Variants in NEDD9 observed in about 807,000 individuals in gnomAD.
NEDD9 encodes the protein enhancer of filamentation 1.
NEDD9 carries 26 observed loss-of-function variants against 76.6 expected under a neutral mutation model. The ratio of observed to expected loss-of-function variants is 0.34; its 90% CI spans 0.25 to 0.47. The LOEUF (loss-of-function observed/expected upper bound fraction) is 0.47. Ranked by LOEUF, NEDD9 falls within the 20% of genes least tolerant of loss-of-function variation. The probability of loss-of-function intolerance (pLI) is 1.00; values close to 1 mark genes in which losing one functional copy is unlikely to be tolerated. For missense variants in NEDD9, 937 were observed against 1,058.5 expected (o/e 0.89, Z 1.59); for synonymous variants, 392 against 414.2 (o/e 0.95, Z 0.65).
chr6:11,333,670 A>G (rs1252664011), intron 2 of NEDD9, among the ~76,000 whole-genome samples: 1 of 152,184 alleles, frequency 6.6e-6, no homozygotes, highest in Non-Finnish European at 1.5e-5. Context: ...CCTCTCTGAG[A>G]ATGCTCACCA....
chr6:11,215,982 G>A (rs1001309002), intron 1 of NEDD9, among the ~76,000 whole-genome samples: 4 of 152,176 alleles, frequency 2.6e-5, no homozygotes, highest in African/African-American at 9.6e-5. Context: ...ATCCCCGTGC[G>A]AGAGTCGTCC....
intron 3 of NEDD9, among the ~76,000 whole-genome samples, chr6:11,296,887 C>T (rs919133902): frequency 3.9e-5 from 6 of 152,118 alleles, no homozygotes; most frequent in African/African-American, 1.4e-4. Flanking sequence ...CATCACCATG[C>T]CCGGCTAATT....
intron 2 of NEDD9, among the ~76,000 whole-genome samples, chr6:11,196,474 TC>T (rs1196293096): frequency 1.3e-5 from 2 of 152,182 alleles, no homozygotes; most frequent in Non-Finnish European, 2.9e-5. Flanking sequence ...TTGTGGATCT[TC>T]CCTGGCAGAA....
At chr6:11,306,181 A>G in intron 2 of NEDD9, 1 of 742,062 alleles carries the variant, frequency 1.3e-6, no homozygotes, top group Non-Finnish European at 2.3e-6. Context: ...AGAGATGGAA[A>G]GGTTGGTAAG....
At chr6:11,310,300 C>T (rs1250663767) in intron 2 of NEDD9, among the ~76,000 whole-genome samples, 2 of 152,224 alleles carry the variant, frequency 1.3e-5, no homozygotes, top group African/African-American at 2.4e-5. Flanking sequence ...ACAGCCTCCT[C>T]ACATGCCCAC....
intron 1 of NEDD9, among the ~76,000 whole-genome samples, chr6:11,364,649 T>C (rs755281333): frequency 1.1e-4 from 16 of 152,014 alleles, no homozygotes; most frequent in Non-Finnish European, 1.5e-5. Flanking sequence ...TGGTTGTGAA[T>C]CAAAGCAGGT....
intron 1 of NEDD9, among the ~76,000 whole-genome samples, chr6:11,214,875 G>A (rs1380545893): frequency 1.3e-5 from 2 of 152,162 alleles, no homozygotes; most frequent in African/African-American, 2.4e-5. Flanking sequence ...ATGGAAGAAA[G>A]GATTACGGAT....
At chr6:11,350,508 C>G (rs917585536) in intron 1 of NEDD9, among the ~76,000 whole-genome samples, 3 of 152,192 alleles carry the variant, frequency 2.0e-5, no homozygotes, top group Non-Finnish European at 4.4e-5. Context: ...GCCAGGCAGA[C>G]CTGGGCAACC....
intron 1 of NEDD9, among the ~76,000 whole-genome samples, chr6:11,372,445 A>C (rs1197229025): frequency 6.6e-6 from 1 of 152,176 alleles, no homozygotes; most frequent in Non-Finnish European, 1.5e-5. Context: ...ACTTGTGAAG[A>C]GTGCTGCAAT....
chr6:11,208,068 C>T (rs1305170619), intron 2 of NEDD9, among the ~76,000 whole-genome samples: 1 of 151,844 alleles, frequency 6.6e-6, no homozygotes, highest in East Asian at 1.9e-4. Flanking sequence ...GTCCCAGCTA[C>T]TGGGCAGGCT....
In NEDD9 at chr6:11,190,094, C is replaced by T. The variant is rs138785615; in HGVS notation, c.1775G>A (p.Gly592Asp). 6.2e-7 allele frequency: 1 copy of T among 1,609,504 alleles called. No individual in the cohort carries two copies. Among genetic ancestry groups the T allele is most frequent in the Non-Finnish European group, 8.5e-7 (1 of 1,177,270 alleles). ...GGSQGQLLHP[G>D]DHKAQAHNKA... ...GTTGTGGGCCTGGGCCTTGTGGTCA[C>T]CAGGATGCAGCAGCTGTCCCTGGGA... is the stretch of plus-strand genomic sequence containing the variant. Residue 592 changes from glycine (G) to aspartate (D), a missense_variant, in exon 5 of 7, where the codon GGT becomes GAT. Coordinates refer to ENST00000379446, the MANE Select transcript of NEDD9 (RefSeq NM_006403.4). The surrounding 1 kb of genome is among the most constrained non-coding windows in gnomAD (Gnocchi z 5.8).
chr6:11,298,049 A>C (rs1303555446), intron 3 of NEDD9, among the ~76,000 whole-genome samples: 1 of 151,910 alleles, frequency 6.6e-6, no homozygotes, highest in African/African-American at 2.4e-5. Context: ...CTGTTACTAT[A>C]GGTGCGCACC....
chr6:11,227,970 G>C (rs920070358), intron 1 of NEDD9, among the ~76,000 whole-genome samples: 10 of 151,982 alleles, frequency 6.6e-5, no homozygotes, highest in South Asian at 4.1e-4. Context: ...CAGATGAATG[G>C]GGGCAGTGAG....
At chr6:11,212,695 G>A (rs746008199) in intron 2 of NEDD9, among the ~76,000 whole-genome samples, 1 of 152,200 alleles carries the variant, frequency 6.6e-6, no homozygotes, top group African/African-American at 2.4e-5. Context: ...AAGGACAGGA[G>A]GATGGCTTCA....
chr6:11,346,303 A>G (rs1762362506), intron 1 of NEDD9, among the ~76,000 whole-genome samples: 1 of 152,186 alleles, frequency 6.6e-6, no homozygotes, highest in East Asian at 1.9e-4. Flanking sequence ...CTGATTCAGT[A>G]CATTCTCCCA....
At chr6:11,248,082 C>T (rs1485245543) in intron 3 of NEDD9, among the ~76,000 whole-genome samples, 1 of 151,728 alleles carries the variant, frequency 6.6e-6, no homozygotes, top group East Asian at 1.9e-4. Flanking sequence ...TTTTTTAACT[C>T]TTGAAAGACA....
At chr6:11,186,127 C>T in intron 6 of NEDD9, among the ~76,000 whole-genome samples, 1 of 152,186 alleles carries the variant, frequency 6.6e-6, no homozygotes, top group African/African-American at 2.4e-5. Context: ...CGGAGAAAGC[C>T]TCGACTATCT....
At chr6:11,369,052 G>T (rs1268292438) in intron 1 of NEDD9, among the ~76,000 whole-genome samples, 1 of 152,202 alleles carries the variant, frequency 6.6e-6, no homozygotes, top group Non-Finnish European at 1.5e-5. Context: ...AAAGTAATTT[G>T]CTCAATAGCA....
At chr6:11,297,430 G>A (rs1215081461) in intron 3 of NEDD9, among the ~76,000 whole-genome samples, 1 of 152,144 alleles carries the variant, frequency 6.6e-6, no homozygotes, top group Non-Finnish European at 1.5e-5. Flanking sequence ...GTATTTATGA[G>A]TTTAGCACAG....
Sources: allele counts gnomAD v4.1 joint callset (sites outside exome capture counted in the v4.1 genomes callset), GRCh38; gene constraint gnomAD v4.1.1; non-coding constraint Gnocchi (gnomAD v3.1); transcripts MANE v1.5; gene names NCBI Gene and HGNC (gene_info 2026-07-23, HGNC 2026-07-21).